The following SEMA3C variants were observed in gnomAD, a reference collection of about 807,000 sequenced individuals.
SEMA3C encodes semaphorin 3C.
Under a neutral mutation model 89.4 loss-of-function variants are expected in SEMA3C, and 47 were observed. The ratio of observed to expected loss-of-function variants is 0.53; its 90% confidence interval spans 0.42 to 0.67. The LOEUF (loss-of-function observed/expected upper bound fraction) is 0.67. Among genes scored for constraint, SEMA3C ranks in the 30% least tolerant of loss-of-function variants. SEMA3C has a pLI of 0.00. For synonymous variants in SEMA3C, 310 were observed against 320.2 expected (o/e 0.97, Z 0.34); for missense variants, 839 against 929.1 (o/e 0.90, Z 1.26).
At position 80,765,106 on chromosome 7, in the gene SEMA3C, A is replaced by G. The variant is rs561318949; in HGVS notation, c.1443+49T>C. On this transcript the variant is annotated intron_variant, in intron 13 of 17. Transcript: ENST00000265361. ...TCCCAAGTGGCTGTAAGATTAAAGA[A>G]TTCCACTCATCATGCATGTTCTGAG... The G allele has an allele frequency of 9.3e-5, 118 of 1,273,658 alleles. No homozygotes were observed. In the South Asian group the frequency reaches 1.4e-3, roughly 15 times the overall value. The allele number at this position is 1,273,658 out of a possible 1,614,324, so 78.9% of individuals were successfully genotyped here. A position where few individuals can be genotyped will look rare whatever the true frequency, so the allele number is the denominator to read the frequency against.
intron 2 of SEMA3C, among the ~76,000 whole-genome samples, chr7:80,836,615 T>G (rs148973184): frequency 1.3e-5 from 2 of 152,024 alleles, no homozygotes; most frequent in African/African-American, 4.8e-5. Flanking sequence ...GAGGCGGAGA[T>G]TGCAGAGAGC....
intron 12 of SEMA3C, among the ~76,000 whole-genome samples, chr7:80,769,992 G>T (rs1435605775): frequency 6.6e-6 from 1 of 151,696 alleles, no homozygotes; most frequent in Non-Finnish European, 1.5e-5. Flanking sequence ...ATGGTAATGA[G>T]TTCCCTGTAT....
At chr7:80,757,152 G>A (rs1000756176) in intron 15 of SEMA3C, among the ~76,000 whole-genome samples, 4 of 152,174 alleles carry the variant, frequency 2.6e-5, no homozygotes, top group Non-Finnish European at 5.9e-5. Context: ...AAGGAATGTA[G>A]AGAATAAAAA....
At chr7:80,767,066 A>G (rs566108068) in intron 12 of SEMA3C, among the ~76,000 whole-genome samples, 75 of 152,274 alleles carry the variant, frequency 4.9e-4, no homozygotes, top group Middle Eastern at 6.8e-3. Flanking sequence ...TTGATCTCTC[A>G]AGTCGCACAA....
chr7:80,867,834 G>A (rs370750307), intron 2 of SEMA3C, among the ~76,000 whole-genome samples: 2 of 152,242 alleles, frequency 1.3e-5, no homozygotes, highest in East Asian at 3.9e-4. Context: ...CAAGCCAGGA[G>A]AGACTACAAA....
At chr7:80,857,877 A>G (rs1045688917) in intron 2 of SEMA3C, among the ~76,000 whole-genome samples, 1 of 152,146 alleles carries the variant, frequency 6.6e-6, no homozygotes, top group African/African-American at 2.4e-5. Flanking sequence ...GTTGCATGTC[A>G]TGCTTATTAA....
At chr7:80,747,803 C>T (rs1034373776) in intron 17 of SEMA3C, among the ~76,000 whole-genome samples, 4 of 152,120 alleles carry the variant, frequency 2.6e-5, no homozygotes, top group Non-Finnish European at 4.4e-5. Flanking sequence ...GCTCATCTTT[C>T]CTCCAAATAA....
Position 80,749,045 on chromosome 7 carries a change from A to G in SEMA3C, c.1712-17T>C. 6.3e-7 allele frequency: 1 copy of G among 1,588,768 alleles called. No individual in the cohort carries two copies. Among genetic ancestry groups the G allele is most frequent in the Non-Finnish European group, 8.6e-7 (1 of 1,169,466 alleles). ...TTCTGTATGCTAGCAGGCAAAAATAAAAGGCGAGAGAGAAAGAAAGAACAC... is the reference window on the plus strand; with the variant it reads ...TTCTGTATGCTAGCAGGCAAAAATAGAAGGCGAGAGAGAAAGAAAGAACAC... On this transcript the variant is annotated splice_polypyrimidine_tract_variant and intron_variant, in intron 16 of 17. Transcript: ENST00000265361.
intron 11 of SEMA3C, among the ~76,000 whole-genome samples, chr7:80,790,173 C>T (rs1021416605): frequency 2.6e-5 from 4 of 152,118 alleles, no homozygotes; most frequent in East Asian, 1.9e-4. Context: ...GATCCCAACT[C>T]CTTGGGAAAC....
At chr7:80,894,141 ATAC>A (rs1277227335) in intron 2 of SEMA3C, among the ~76,000 whole-genome samples, 1 of 152,204 alleles carries the variant, frequency 6.6e-6, no homozygotes. Flanking sequence ...TACTGTCTAC[ATAC>A]TACTACCAAT....
At chr7:80,825,023 A>C (rs1789838787) in intron 4 of SEMA3C, among the ~76,000 whole-genome samples, 2 of 152,170 alleles carry the variant, frequency 1.3e-5, no homozygotes, top group Admixed American at 1.3e-4. Flanking sequence ...GCAAATTGAA[A>C]GAATTCCTGT....
chr7:80,810,708 T>C lies in SEMA3C; in HGVS notation c.448-7A>G, dbSNP rs1268654218. ...CAATCATGAAAACTTGGTCCTTTAT[T>C]GTAGATAAAATTTAAAATGTGGCAA... On this transcript the variant is annotated splice_polypyrimidine_tract_variant and splice_region_variant and intron_variant, in intron 5 of 17. Coordinates refer to ENST00000265361, the MANE Select transcript of SEMA3C (RefSeq NM_006379.5). 1 of 1,608,026 alleles carries C rather than the reference T, an allele frequency of 6.2e-7. No homozygotes were observed. Among genetic ancestry groups the C allele is most frequent in the Non-Finnish European group, 8.5e-7 (1 of 1,175,180 alleles).
rs1787732210 is a variant in SEMA3C at position 80,743,664 on chromosome 7, C to A, written c.*1230G>T. On this transcript the variant is annotated 3_prime_UTR_variant, in exon 18 of 18. Transcript: ENST00000265361. Reference sequence around the variant, plus strand: ...ATGAAATTATTCTAATAAAATTATTCTAACATACAATTAGGAGATAATTAT... The same window carrying A: ...ATGAAATTATTCTAATAAAATTATTATAACATACAATTAGGAGATAATTAT... 1 of 151,322 alleles carries A rather than the reference C, an allele frequency of 6.6e-6. No homozygotes were observed. Among genetic ancestry groups the A allele is most frequent in the Admixed American group, 6.6e-5 (1 of 15,224 alleles). 9.4% of individuals were successfully genotyped at this position (151,322 alleles called of 1,614,324 possible).
chr7:80,855,741 A>G (rs1389477647), intron 2 of SEMA3C, among the ~76,000 whole-genome samples: 2 of 152,146 alleles, frequency 1.3e-5, no homozygotes, highest in African/African-American at 4.8e-5. Context: ...ACAAAACACA[A>G]GGCAACTAGT....
chr7:80,843,902 A>G (rs1184161060), intron 2 of SEMA3C, among the ~76,000 whole-genome samples: 3 of 151,894 alleles, frequency 2.0e-5, no homozygotes, highest in Non-Finnish European at 2.9e-5. Context: ...GTTACCACAC[A>G]CTACCTAATT....
chr7:80,886,985 T>C (rs1791498175), intron 2 of SEMA3C, among the ~76,000 whole-genome samples: 1 of 152,182 alleles, frequency 6.6e-6, no homozygotes. Context: ...AATGTGTGCA[T>C]GTTTGTATAA....
chr7:80,755,156 A>C (rs1788037132), intron 15 of SEMA3C, among the ~76,000 whole-genome samples: 1 of 151,330 alleles, frequency 6.6e-6, no homozygotes, highest in South Asian at 2.1e-4. Flanking sequence ...TCATAGTTTA[A>C]TATCAGGCAT....
At chr7:80,800,730 C>A (rs370805577) in intron 10 of SEMA3C, 27 bp downstream of exon 10, 2 of 1,370,244 alleles carry the variant, frequency 1.5e-6, no homozygotes, top group South Asian at 2.6e-5. Context: ...TTGTTTAACT[C>A]ATAAAATGTA....
At chr7:80,745,653 C>A (rs961937628) in intron 17 of SEMA3C, among the ~76,000 whole-genome samples, 3 of 152,028 alleles carry the variant, frequency 2.0e-5, no homozygotes, top group African/African-American at 4.8e-5. Context: ...CAGTCAATAT[C>A]TGTAAATGAA....
Sources: allele counts gnomAD v4.1 joint callset (sites outside exome capture counted in the v4.1 genomes callset), GRCh38; gene constraint gnomAD v4.1.1; transcripts MANE v1.5; gene names NCBI Gene and HGNC (gene_info 2026-07-23, HGNC 2026-07-21).